Variants in KIF13A observed in about 807,000 individuals in gnomAD.
KIF13A encodes kinesin family member 13A.
Under a neutral mutation model 212.2 loss-of-function variants are expected in KIF13A, and 79 were observed. The observed-to-expected ratio is 0.37, with a 90% CI of 0.31 to 0.45. The LOEUF (loss-of-function observed/expected upper bound fraction) is 0.45. KIF13A is among the 20% of genes least tolerant of loss of function. The pLI is 1.00. For missense variants in KIF13A, 1,901 were observed against 2,209.0 expected (o/e 0.86, Z 2.79); for synonymous variants, 789 against 808.6 (o/e 0.98, Z 0.41).
At chr6:17,762,919 T>A (rs1758651620), downstream of KIF13A, among the ~76,000 whole-genome samples, 2 of 152,200 alleles carry the variant, frequency 1.3e-5, no homozygotes, top group South Asian at 4.1e-4. Flanking sequence ...ATCAATGGAG[T>A]AACTTGCTCG....
chr6:17,910,909 C>T lies in KIF13A; in HGVS notation c.147-12729G>A, dbSNP rs535652888. Among the ~76,000 whole-genome samples the T allele has an allele frequency of 2.0e-3, 301 of 152,158 alleles. 2 individuals are homozygous for T. Among genetic ancestry groups the T allele is most frequent in the African/African-American group, 6.5e-3 (268 of 41,524 alleles). ...TCCTGAGTAGCTGGGACTACAGGCA[C>T]CTGCCACCATGCCCAGCTAATGTTT... is the stretch of plus-strand genomic sequence containing the variant. On this transcript the variant is annotated intron_variant, in intron 2 of 38. Transcript: ENST00000259711.
chr6:17,802,923 G>GTGTT (rs1762589345), intron 20 of KIF13A, among the ~76,000 whole-genome samples: 1 of 135,652 alleles, frequency 7.4e-6, no homozygotes, highest in African/African-American at 2.6e-5. Context: ...ATTTTTTTGT[G>GTGTT]TTTTTTTTGT....
chr6:17,976,824 C>T (rs893549783), intron 2 of KIF13A, among the ~76,000 whole-genome samples: 1 of 148,070 alleles, frequency 6.8e-6, no homozygotes, highest in African/African-American at 2.5e-5. Context: ...AAAAAAGAGG[C>T]TGGGTGTGGT....
intron 16 of KIF13A, among the ~76,000 whole-genome samples, chr6:17,821,556 T>G (rs1464260831): frequency 6.8e-6 from 1 of 148,086 alleles, no homozygotes; most frequent in South Asian, 2.2e-4. Flanking sequence ...GGACATGGTG[T>G]GTGTGTGTGT....
Position 17,785,454 on chromosome 6 carries a change from T to G in KIF13A, c.3488+61A>C. ...AATCCTGGAAAGTCTCTTGCATGGC[T>G]CTTGCCACAGGCGACCTGTACCATC... On this transcript the variant is annotated intron_variant, in intron 28 of 38. Transcript: ENST00000259711. The surrounding 1 kb of genome is among the most constrained non-coding windows in gnomAD (Gnocchi z 5.8). The G allele has an allele frequency of 6.9e-7, 1 of 1,444,966 alleles. No homozygotes were observed. Among genetic ancestry groups the G allele is most frequent in the Admixed American group, 3.0e-5 (1 of 33,396 alleles). 89.5% of individuals were successfully genotyped at this position (1,444,966 alleles called of 1,614,324 possible).
chr6:17,955,445 A>G (rs576877857), intron 2 of KIF13A, among the ~76,000 whole-genome samples: 1 of 152,348 alleles, frequency 6.6e-6, no homozygotes, highest in East Asian at 1.9e-4. Context: ...ACTTCACACC[A>G]ATTTGGATAT....
At chr6:17,788,596 G>C (rs1761259739) in intron 26 of KIF13A, among the ~76,000 whole-genome samples, 1 of 152,176 alleles carries the variant, frequency 6.6e-6, no homozygotes, top group Non-Finnish European at 1.5e-5. Flanking sequence ...GTGGAATTAT[G>C]AGTAGGGAAA....
At position 17,855,514 on chromosome 6, in the gene KIF13A, C is replaced by T. The variant is rs377658289; in HGVS notation, c.417G>A (p.Glu139=). The T allele has an allele frequency of 6.8e-6, 11 of 1,613,724 alleles. No homozygotes were observed. In the African/African-American group the frequency reaches 1.2e-4, roughly 18 times the overall value. The stretch of plus-strand genomic sequence containing the variant: ...ACACTTCAACTTTAAAGGTCTGTGA[C>T]TCATTTTGCTCCAAAGAGATCCTTT... ...LFKRISLEQN[E]SQTFKVEVSY... Residue 139 remains glutamate (E), a synonymous_variant, in exon 6 of 39, where the codon GAG becomes GAA. Coordinates refer to ENST00000259711, the MANE Select transcript of KIF13A (RefSeq NM_022113.6). This position sits in a 1 kb window ranked among gnomAD's most constrained non-coding sequence, Gnocchi z 4.1.
chr6:17,962,431 G>A (rs976956469), intron 2 of KIF13A, among the ~76,000 whole-genome samples: 1 of 152,176 alleles, frequency 6.6e-6, no homozygotes, highest in African/African-American at 2.4e-5. Flanking sequence ...AAGGGAGACC[G>A]TTAAAAAAGC....
At position 17,963,580 on chromosome 6, in the gene KIF13A, CAG is replaced by C. The variant is rs1178124341; in HGVS notation, c.146+23472_146+23473del. Among the ~76,000 whole-genome samples the C allele has an allele frequency of 2.6e-5, 4 of 152,242 alleles. No homozygotes were observed. The East Asian group carries it at 5.8e-4, about 22-fold the overall frequency. Reference sequence around the variant, plus strand: ...GTTCTATATCTTTCTTTTTTTGAGACAGAGTCTTGCTGTGTCGCCTAGGCTGG... The same window carrying C: ...GTTCTATATCTTTCTTTTTTTGAGACAGTCTTGCTGTGTCGCCTAGGCTGG... On this transcript the variant is annotated intron_variant, in intron 2 of 38. Transcript: ENST00000259711. This position sits in a 1 kb window ranked among gnomAD's most constrained non-coding sequence, Gnocchi z 4.1.
chr6:17,759,748 C>G (rs1347588319), downstream of KIF13A: 1 of 152,252 alleles, frequency 6.6e-6, no homozygotes, highest in Non-Finnish European at 1.5e-5. Flanking sequence ...CTCAGTCCAT[C>G]TCCTCAGCAT....
chr6:17,804,369 G>A lies in KIF13A; in HGVS notation c.2446C>T (p.Gln816Ter). The A allele has an allele frequency of 6.5e-7, 1 of 1,540,982 alleles. No individual in the cohort carries two copies. The highest frequency in any genetic ancestry group is 2.0e-5 in the Admixed American group (1 of 49,670). The change falls in exon 20 of 39, where the codon CAG becomes TAG. Residue 816 changes from glutamine to a stop codon, truncating the protein, a stop_gained. Transcript: ENST00000259711. LOFTEE classifies it high-confidence loss of function. ...LQYAVPIISQ[Q>*]GEVAGRLHVE... ...GGCTGGCCTGTGCTTACCTCCCCCT[G>A]CTGGCTGATGATAGGGACTGCATAC...
chr6:17,812,809 T>C (rs1763547445), intron 17 of KIF13A, among the ~76,000 whole-genome samples: 1 of 152,170 alleles, frequency 6.6e-6, no homozygotes, highest in African/African-American at 2.4e-5. Flanking sequence ...TGTATAAGGG[T>C]TCCCTTTTCT....
In KIF13A at chr6:17,934,698, G is replaced by A. The variant is rs1183374012; in HGVS notation, c.147-36518C>T. Among the ~76,000 whole-genome samples, 1 of 151,670 alleles carries A rather than the reference G, an allele frequency of 6.6e-6. No homozygotes were observed. Among genetic ancestry groups the A allele is most frequent in the Non-Finnish European group, 1.5e-5 (1 of 67,972 alleles). The stretch of plus-strand genomic sequence containing the variant: ...ACCTACTTGGGAGGCCGAGGTGGGA[G>A]GATCGCTTGAGCCCAGGAGGTAGAG... On this transcript the variant is annotated intron_variant, in intron 2 of 38. Coordinates refer to ENST00000259711, the MANE Select transcript of KIF13A (RefSeq NM_022113.6). This position sits in a 1 kb window ranked among gnomAD's most constrained non-coding sequence, Gnocchi z 5.4.
rs540701191 is a variant in KIF13A, at chr6:17,947,106, A to C, written c.146+39948T>G. Among the ~76,000 whole-genome samples the C allele has an allele frequency of 2.8e-4, 43 of 152,376 alleles. 1 individual carries two copies. In the South Asian group the frequency reaches 6.8e-3, roughly 24 times the overall value. ...TTCCATTTACAAAAATATTAAAACC[A>C]GGCAAATATAATATTAAAGTTGTTA... On this transcript the variant is annotated intron_variant, in intron 2 of 38. Coordinates refer to ENST00000259711, the MANE Select transcript of KIF13A (RefSeq NM_022113.6). The surrounding 1 kb of genome is among the most constrained non-coding windows in gnomAD (Gnocchi z 4.6).
At position 17,855,549 on chromosome 6, in the gene KIF13A, C is replaced by T; in HGVS notation, c.382G>A (p.Ala128Thr). ...TCCAAAGAGATCCTTTTAAATAAAG[C>T]ACAGCAGAGCCTTGGAATAAGGCCC... Reference protein sequence around the residue: ...QLGLIPRLCCALFKRISLEQN... With the variant: ...QLGLIPRLCCTLFKRISLEQN... The change falls in exon 6 of 39, where the codon GCT becomes ACT. Residue 128 changes from alanine (A) to threonine (T), a missense_variant. Around this residue, in one of 5 missense-constraint regions of KIF13A, gnomAD observed 506 missense variants for 637.4 expected, o/e 0.79. Coordinates refer to ENST00000259711, the MANE Select transcript of KIF13A (RefSeq NM_022113.6). This position sits in a 1 kb window ranked among gnomAD's most constrained non-coding sequence, Gnocchi z 4.1. 2 of 1,613,778 alleles carry T rather than the reference C, an allele frequency of 1.2e-6. No individual in the cohort carries two copies. The highest frequency in any genetic ancestry group is 1.7e-6 in the Non-Finnish European group (2 of 1,179,794).
chr6:17,842,391 C>T (rs1766613377), intron 9 of KIF13A, among the ~76,000 whole-genome samples: 1 of 152,002 alleles, frequency 6.6e-6, no homozygotes, highest in Non-Finnish European at 1.5e-5. Flanking sequence ...TCCCAGGGAA[C>T]TTAAAAATAT....
Position 17,834,910 on chromosome 6 carries a change from T to C in KIF13A, c.1156-839A>G, listed in dbSNP as rs936717502. On this transcript the variant is annotated intron_variant, in intron 11 of 38. Coordinates refer to ENST00000259711, the MANE Select transcript of KIF13A (RefSeq NM_022113.6). The surrounding 1 kb of genome is among the most constrained non-coding windows in gnomAD (Gnocchi z 4.0). ...TACAGTGGGACATATATGAAAATTA[T>C]AGGCCAGGCCAATGGCTCCTGCCTG... 6.6e-5 allele frequency among the ~76,000 whole-genome samples: 10 copies of C among 152,078 alleles called. No homozygotes were observed. Among genetic ancestry groups the C allele is most frequent in the Admixed American group, 1.3e-4 (2 of 15,258 alleles).
chr6:17,903,938 A>C (rs1292427848), intron 2 of KIF13A, among the ~76,000 whole-genome samples: 1 of 151,844 alleles, frequency 6.6e-6, no homozygotes, highest in Non-Finnish European at 1.5e-5. Flanking sequence ...GGATCACTTG[A>C]GTCCAGGAGT....
Sources: allele counts gnomAD v4.1 joint callset (sites outside exome capture counted in the v4.1 genomes callset), GRCh38; gene constraint gnomAD v4.1.1; regional missense constraint gnomAD v4.1.1; non-coding constraint Gnocchi (gnomAD v3.1); transcripts MANE v1.5; gene names NCBI Gene and HGNC (gene_info 2026-07-23, HGNC 2026-07-21).